Variants in CHD7 observed in about 807,000 individuals in gnomAD.
CHD7 encodes the protein ATP-dependent chromatin remodeler CHD7.
Under a neutral mutation model 307.3 loss-of-function variants are expected in CHD7, and 24 were observed. That is an observed-to-expected ratio of 0.08 (90% CI 0.06 to 0.11). CHD7 has a LOEUF of 0.11. CHD7 is among the 10% of genes least tolerant of loss of function. The pLI, the probability that CHD7 is intolerant of heterozygous loss-of-function variation, is 1.00. For missense variants in CHD7, 3,106 were observed against 3,727.1 expected (o/e 0.83, Z 4.34); for synonymous variants, 1,363 against 1,349.9 (o/e 1.01, Z -0.21).
chr8:60,794,186 A>G (rs1202468456), intron 3 of CHD7, among the ~76,000 whole-genome samples: 6 of 152,230 alleles, frequency 3.9e-5, no homozygotes, highest in Non-Finnish European at 8.8e-5. Flanking sequence ...CTAAATGTAC[A>G]TAAAGTCAGG....
chr8:60,788,994 A>G (rs1187792447), intron 3 of CHD7, among the ~76,000 whole-genome samples: 1 of 152,186 alleles, frequency 6.6e-6, no homozygotes, highest in African/African-American at 2.4e-5. Context: ...TTAGAACTTC[A>G]TACTTTATCT....
intron 4 of CHD7, among the ~76,000 whole-genome samples, chr8:60,799,182 A>T (rs1812177650): frequency 6.6e-6 from 1 of 152,224 alleles, no homozygotes; most frequent in Non-Finnish European, 1.5e-5. Context: ...CTTAAATAGA[A>T]TCTTAAGCTA....
chr8:60,786,365 G>A (rs1408759959), intron 3 of CHD7, among the ~76,000 whole-genome samples: 1 of 152,232 alleles, frequency 6.6e-6, no homozygotes, highest in Non-Finnish European at 1.5e-5. Context: ...GGAAGAGATT[G>A]CCTAATAATA....
intron 3 of CHD7, among the ~76,000 whole-genome samples, chr8:60,794,575 T>A (rs971193911): frequency 6.6e-6 from 1 of 152,160 alleles, no homozygotes; most frequent in Non-Finnish European, 1.5e-5. Context: ...AAAGAATACT[T>A]AAGTATGTAA....
At position 60,844,745 on chromosome 8, in the gene CHD7, C is replaced by T. The variant is rs1417178026; in HGVS notation, c.4851-119C>T. The T allele has an allele frequency of 2.3e-5, 17 of 750,990 alleles. No homozygotes were observed. The East Asian group carries it at 4.6e-4, about 20-fold the overall frequency. 46.5% of individuals were successfully genotyped at this position (750,990 alleles called of 1,614,324 possible). ...TGCACCCTGGATTTCTTTCCTATCA[C>T]CCAGTGTGAATTGTTGCTAGTTTTG... On this transcript the variant is annotated intron_variant, in intron 21 of 37. Transcript: ENST00000423902.
At chr8:60,739,054 GACTCT>G (rs1212154710) in intron 1 of CHD7, among the ~76,000 whole-genome samples, 1 of 152,104 alleles carries the variant, frequency 6.6e-6, no homozygotes, top group East Asian at 1.9e-4. Flanking sequence ...AGCTTGATCT[GACTCT>G]GCCTCTGCCT....
chr8:60,851,203 A>G (rs1805440022), intron 27 of CHD7, 59 bp from the exon 28 acceptor site: 2 of 1,509,972 alleles, frequency 1.3e-6, no homozygotes, highest in Non-Finnish European at 9.0e-7. Context: ...TTTCTTTAAA[A>G]GACAAAGAAA....
intron 34 of CHD7, among the ~76,000 whole-genome samples, chr8:60,857,253 T>G (rs1204360464): frequency 6.6e-6 from 1 of 152,212 alleles, no homozygotes; most frequent in East Asian, 1.9e-4. Flanking sequence ...TTAGTATAAA[T>G]GTTTCATTTT....
chr8:60,720,539 T>C (rs978543279), intron 1 of CHD7, among the ~76,000 whole-genome samples: 1 of 152,226 alleles, frequency 6.6e-6, no homozygotes, highest in Non-Finnish European at 1.5e-5. Flanking sequence ...CTTCTTCGTT[T>C]CCTTAAAGCC....
At chr8:60,855,918 T>C in intron 32 of CHD7, 57 bp from the exon 33 acceptor site, 1 of 1,131,738 alleles carries the variant, frequency 8.8e-7, no homozygotes. Context: ...TGTATTTATC[T>C]AGTAATTTTA....
At chr8:60,838,322 T>A (rs1482164743) in intron 19 of CHD7, 67 bp downstream of exon 19, 2 of 1,405,570 alleles carry the variant, frequency 1.4e-6, no homozygotes, top group Admixed American at 4.0e-5. Context: ...GAAAAGTACC[T>A]TGTAAAAGTG....
At chr8:60,864,809 C>T in intron 37 of CHD7, 1 of 581,326 alleles carries the variant, frequency 1.7e-6, no homozygotes, top group Non-Finnish European at 3.0e-6. Context: ...GATGAGTAGC[C>T]TTGAGCAATT....
At chr8:60,771,267 T>C (rs1222199101) in intron 2 of CHD7, among the ~76,000 whole-genome samples, 1 of 152,246 alleles carries the variant, frequency 6.6e-6, no homozygotes, top group Non-Finnish European at 1.5e-5. Context: ...CATTAGTTAT[T>C]TATTGTTATG....
chr8:60,781,531 T>C, intron 3 of CHD7, 101 bp downstream of exon 3: 2 of 1,396,340 alleles, frequency 1.4e-6, no homozygotes, highest in Non-Finnish European at 9.4e-7. Context: ...GGGGACACAA[T>C]GATTTTTGTC....
At chr8:60,761,444 T>A (rs1810201215) in intron 2 of CHD7, among the ~76,000 whole-genome samples, 1 of 152,020 alleles carries the variant, frequency 6.6e-6, no homozygotes, top group African/African-American at 2.4e-5. Context: ...TATACATATG[T>A]AACTAACCTG....
At position 60,867,219 on chromosome 8, in the gene CHD7, A is replaced by C. The variant is rs1050808557; in HGVS notation, c.*1286A>C. The C allele has an allele frequency of 5.9e-5, 9 of 152,210 alleles. No homozygotes were observed. Among genetic ancestry groups the C allele is most frequent in the African/African-American group, 2.2e-4 (9 of 41,440 alleles). The allele number at this position is 152,210 out of a possible 1,614,324, so 9.4% of individuals were successfully genotyped here. A position where few individuals can be genotyped will look rare whatever the true frequency, so the allele number is the denominator to read the frequency against. On this transcript the variant is annotated 3_prime_UTR_variant, in exon 38 of 38. Transcript: ENST00000423902. ...AGCGTGTGATAATGTGGTACACTGA[A>C]GAACAAAAGGGCAAAAGAAAAATGA...
intron 11 of CHD7, among the ~76,000 whole-genome samples, 173 bp downstream of exon 11, chr8:60,822,318 A>G (rs879006953): frequency 6.6e-6 from 1 of 152,082 alleles, no homozygotes; most frequent in Non-Finnish European, 1.5e-5. Context: ...AGATTGATAT[A>G]AGTGTGTAAA....
Position 60,856,497 on chromosome 8 carries a change from A to G in CHD7, c.7217A>G (p.Lys2406Arg), listed in dbSNP as rs1805716337. Residue 2406 changes from lysine (K) to arginine (R), a missense_variant, in exon 34 of 38, where the codon AAA becomes AGA. Transcript: ENST00000423902. Reference sequence around the variant, plus strand: ...CGCCAGCGGAGGAGGAGGAGGAGAAAAATCGAAATTGAGGCCGAAAGAGCT... The same window carrying G: ...CGCCAGCGGAGGAGGAGGAGGAGAAGAATCGAAATTGAGGCCGAAAGAGCT... ...VPRQRRRRRR[K>R]IEIEAERAAK... 1 of 1,613,786 alleles carries G rather than the reference A, an allele frequency of 6.2e-7. No individual in the cohort carries two copies. The highest frequency in any genetic ancestry group is 8.5e-7 in the Non-Finnish European group (1 of 1,179,816).
chr8:60,696,017 G>A (rs2150497970), intron 1 of CHD7, among the ~76,000 whole-genome samples: 1 of 152,248 alleles, frequency 6.6e-6, no homozygotes, highest in South Asian at 2.1e-4. Flanking sequence ...ATAAGCCACA[G>A]CATTTCTTTT....
Sources: allele counts gnomAD v4.1 joint callset (sites outside exome capture counted in the v4.1 genomes callset), GRCh38; gene constraint gnomAD v4.1.1; transcripts MANE v1.5; gene names NCBI Gene and HGNC (gene_info 2026-07-23, HGNC 2026-07-21).